MAP2: variants seen among roughly 807,000 people sequenced by gnomAD.
MAP2 encodes the protein microtubule associated protein 2, also known as microtubule-associated protein 2.
Under a neutral mutation model 137.6 loss-of-function variants are expected in MAP2, and 14 were observed. That is an observed-to-expected ratio of 0.10 (90% confidence interval 0.07 to 0.16). MAP2 has a LOEUF of 0.16. Among genes scored for constraint, MAP2 ranks in the 10% least tolerant of loss-of-function variants. The pLI, the probability that MAP2 is intolerant of heterozygous loss-of-function variation, is 1.00. For synonymous variants in MAP2, 786 were observed against 782.3 expected, an observed-to-expected ratio of 1.00 and a Z score of -0.08; for missense variants, 2,088 against 2,191.5, an observed-to-expected ratio of 0.95 and a Z score of 0.94.
intron 13 of MAP2, among the ~76,000 whole-genome samples, chr2:209,717,121 C>G (rs2068005187): frequency 6.6e-6 from 1 of 152,168 alleles, no homozygotes; most frequent in Admixed American, 6.5e-5. Context: ...TCTGTTCTCA[C>G]ATTGCTATAA....
At chr2:209,491,694 G>C (rs577537630) in intron 1 of MAP2, among the ~76,000 whole-genome samples, 121 of 152,240 alleles carry the variant, frequency 7.9e-4, no homozygotes, top group African/African-American at 2.9e-3. Flanking sequence ...AGACAATCTA[G>C]AAGAAATGGA....
At chr2:209,698,985 G>A (rs1036282030) in intron 10 of MAP2, among the ~76,000 whole-genome samples, 1 of 152,150 alleles carries the variant, frequency 6.6e-6, no homozygotes, top group African/African-American at 2.4e-5. Context: ...CACATTTAAA[G>A]TAAATTGTGT....
chr2:209,619,466 A>G (rs1014539938), intron 3 of MAP2, among the ~76,000 whole-genome samples: 2 of 152,128 alleles, frequency 1.3e-5, no homozygotes, highest in African/African-American at 4.8e-5. Flanking sequence ...GAGACAAATG[A>G]ACAGATGGCT....
chr2:209,501,589 G>T (rs1426168198), intron 1 of MAP2, among the ~76,000 whole-genome samples: 1 of 152,136 alleles, frequency 6.6e-6, no homozygotes, highest in Non-Finnish European at 1.5e-5. Context: ...ACATTAAGCT[G>T]CCTGGAAGCA....
intron 5 of MAP2, among the ~76,000 whole-genome samples, chr2:209,669,044 G>C (rs535244746): frequency 9.9e-5 from 15 of 152,086 alleles, no homozygotes; most frequent in Non-Finnish European, 1.6e-4. Flanking sequence ...TTCAGGTGCT[G>C]GTGTAAAGAG....
In MAP2 at chr2:209,579,966, T is replaced by C. The variant is rs542184488; in HGVS notation, c.-171-70T>C. 15 of 148,398 alleles carry C rather than the reference T, an allele frequency of 1.0e-4. No individual in the cohort carries two copies. In the South Asian group the frequency reaches 3.2e-3, roughly 32 times the overall value. 9.2% of individuals were successfully genotyped at this position (148,398 alleles called of 1,614,324 possible). ...AATGCATTTGCTTACTGGTGAGTTA[T>C]AATTTTTGATATTTAGTTAACAAAT... is the stretch of plus-strand genomic sequence containing the variant. On this transcript the variant is annotated intron_variant, in intron 2 of 15. Coordinates refer to ENST00000682079, the MANE Select transcript of MAP2 (RefSeq NM_001375505.1).
At chr2:209,664,291 T>C (rs2045186927) in intron 5 of MAP2, among the ~76,000 whole-genome samples, 1 of 152,262 alleles carries the variant, frequency 6.6e-6, no homozygotes, top group Non-Finnish European at 1.5e-5. Flanking sequence ...GGCTTGCGCC[T>C]GTAATCCCAG....
chr2:209,726,348 T>G (rs2073994350), intron 14 of MAP2, among the ~76,000 whole-genome samples: 1 of 152,226 alleles, frequency 6.6e-6, no homozygotes, highest in African/African-American at 2.4e-5. Flanking sequence ...ATACGACTAG[T>G]GCCCTAAAGT....
intron 7 of MAP2, 51 bp downstream of exon 7, chr2:209,680,878 A>G: frequency 6.8e-7 from 1 of 1,465,054 alleles, no homozygotes; most frequent in Non-Finnish European, 9.6e-7. Flanking sequence ...AGTGTGAACA[A>G]TAAACTTCAA....
rs1227507646 is a variant in MAP2, at chr2:209,649,224, T to C, written c.-29-3918T>C. 2.0e-5 allele frequency among the ~76,000 whole-genome samples: 3 copies of C among 152,056 alleles called. No individual in the cohort carries two copies. In the East Asian group the frequency reaches 5.8e-4, roughly 29 times the overall value. ...AGAGATGGGGGTCTCACTATGTTGA[T>C]CAGGCTGGTCTTGAACTCCTGGACT... On this transcript the variant is annotated intron_variant, in intron 4 of 15. Transcript: ENST00000682079.
At chr2:209,499,928 C>T (rs2060184713) in intron 1 of MAP2, among the ~76,000 whole-genome samples, 1 of 152,118 alleles carries the variant, frequency 6.6e-6, no homozygotes, top group South Asian at 2.1e-4. Flanking sequence ...CCACCTCCAA[C>T]AATAGGGAAT....
chr2:209,536,888 A>T (rs1057214586), intron 2 of MAP2, among the ~76,000 whole-genome samples: 2 of 152,124 alleles, frequency 1.3e-5, no homozygotes, highest in African/African-American at 4.8e-5. Flanking sequence ...TTTCCATCCT[A>T]TTGGGTTGCA....
rs570929087 is a variant in MAP2 at position 209,569,944 on chromosome 2, C to T, written c.-171-10092C>T. 7.2e-4 allele frequency among the ~76,000 whole-genome samples: 110 copies of T among 151,878 alleles called. 1 individual carries two copies. The South Asian group carries it at 0.022, about 31-fold the overall frequency. On this transcript the variant is annotated intron_variant, in intron 2 of 15. Coordinates refer to ENST00000682079, the MANE Select transcript of MAP2 (RefSeq NM_001375505.1). ...CAAACAGCAAAGTTCTTTAAAAACC[C>T]ATGAGCCTATATTGCACTCATATAT... is the stretch of plus-strand genomic sequence containing the variant.
At chr2:209,590,934 T>C (rs2079073309) in intron 3 of MAP2, among the ~76,000 whole-genome samples, 1 of 152,184 alleles carries the variant, frequency 6.6e-6, no homozygotes. Flanking sequence ...TAGTAATGAC[T>C]CCTGTTTATT....
At chr2:209,527,932 CTG>C (rs1185668803) in intron 2 of MAP2, among the ~76,000 whole-genome samples, 1 of 152,146 alleles carries the variant, frequency 6.6e-6, no homozygotes, top group Non-Finnish European at 1.5e-5. Flanking sequence ...TTCAAAATCC[CTG>C]TAATTTCTCT....
At chr2:209,448,037 A>T (rs952437157) in intron 1 of MAP2, among the ~76,000 whole-genome samples, 1 of 152,114 alleles carries the variant, frequency 6.6e-6, no homozygotes, top group South Asian at 2.1e-4. Flanking sequence ...GGTGATTCAG[A>T]TGCACACAAA....
At chr2:209,692,234 A>G (rs1429270792) in intron 7 of MAP2, among the ~76,000 whole-genome samples, 1 of 151,634 alleles carries the variant, frequency 6.6e-6, no homozygotes, top group Non-Finnish European at 1.5e-5. Flanking sequence ...GTACCCTAAC[A>G]TTAGCTGCTT....
At chr2:209,515,742 G>A (rs2062400677) in intron 2 of MAP2, among the ~76,000 whole-genome samples, 1 of 152,014 alleles carries the variant, frequency 6.6e-6, no homozygotes, top group Admixed American at 6.6e-5. Context: ...TTCATTTTAT[G>A]AATCGAGAAA....
chr2:209,480,146 A>G (rs1171854889), intron 1 of MAP2, among the ~76,000 whole-genome samples: 1 of 152,162 alleles, frequency 6.6e-6, no homozygotes, highest in Non-Finnish European at 1.5e-5. Flanking sequence ...TGAAATCAGT[A>G]GACTGTCACT....
Sources: allele counts gnomAD v4.1 joint callset (sites outside exome capture counted in the v4.1 genomes callset), GRCh38; gene constraint gnomAD v4.1.1; transcripts MANE v1.5; gene names NCBI Gene and HGNC (gene_info 2026-07-23, HGNC 2026-07-21).